Variants in HHLA2 observed in about 807,000 individuals in gnomAD.
HHLA2 encodes the protein HERV-H LTR-associating protein 2.
HHLA2 carries 48 observed loss-of-function variants against 45.9 expected under a neutral mutation model. That is an observed-to-expected ratio of 1.05 (90% CI 0.83 to 1.33). The LOEUF is 1.33. Ranked by LOEUF, HHLA2 falls within the 40% of genes most tolerant of loss-of-function variation. HHLA2 has a pLI of 0.00. For synonymous variants in HHLA2, 161 were observed against 173.9 expected (o/e 0.93, Z 0.59); for missense variants, 462 against 494.3 (o/e 0.93, Z 0.62).
At chr3:108,362,540 TAATTGATCTG>T (rs1291758720) in intron 8 of HHLA2, 94 bp downstream of exon 7, 2 of 805,776 alleles carry the variant, frequency 2.5e-6, no homozygotes, top group Non-Finnish European at 4.0e-6. Context: ...ACTGGGCATG[TAATTGATCTG>T]AATTTTCTGG....
At chr3:108,321,113 G>T (rs77845103) in intron 2 of HHLA2, among the ~76,000 whole-genome samples, 12 of 35,702 alleles carry the variant, frequency 3.4e-4, no homozygotes, top group South Asian at 9.5e-4. Context: ...AAAAAAAAAA[G>T]ACTGTGCCAA....
At position 108,339,178 on chromosome 3, in the gene HHLA2, A is replaced by G. The variant is rs2081523875; in HGVS notation, c.-27+10831A>G. Among the ~76,000 whole-genome samples, 3 of 152,242 alleles carry G rather than the reference A, an allele frequency of 2.0e-5. No individual in the cohort carries two copies. In the South Asian group the frequency reaches 6.2e-4, roughly 32 times the overall value. ...TGACTATAAAACCATACACAGTTTT[A>G]CAATCACTATCAACCACTTGCTGAG... On this transcript the variant is annotated intron_variant, in intron 3 of 10. Transcript: ENST00000619531.
At position 108,341,235 on chromosome 3, in the gene HHLA2, G is replaced by A. The variant is rs576863533; in HGVS notation, c.-26-10553G>A. ...CCCAAAATGCTGGGATTACAGGGAT[G>A]AGCCACCACGCCCAGCCTCAAACTC... On this transcript the variant is annotated intron_variant, in intron 3 of 10. Transcript: ENST00000619531. Among the ~76,000 whole-genome samples, 21 of 152,182 alleles carry A rather than the reference G, an allele frequency of 1.4e-4. 2 individuals carry two copies. The highest frequency in any genetic ancestry group is 1.2e-3 in the Admixed American group (18 of 15,268).
chr3:108,299,821 G>A (rs943239320), intron 1 of HHLA2, among the ~76,000 whole-genome samples: 2 of 152,062 alleles, frequency 1.3e-5, no homozygotes, highest in African/African-American at 4.8e-5. Flanking sequence ...GTACCATTTC[G>A]TGTAGGAGCA....
At chr3:108,316,924 G>C (rs939462443) in intron 2 of HHLA2, among the ~76,000 whole-genome samples, 1 of 152,168 alleles carries the variant, frequency 6.6e-6, no homozygotes, top group Non-Finnish European at 1.5e-5. Context: ...TGGAGAGATA[G>C]GAGGATAGAA....
At chr3:108,325,834 T>A in intron 2 of HHLA2, 1 of 351,998 alleles carries the variant, frequency 2.8e-6, no homozygotes, top group South Asian at 2.7e-5. Context: ...CAAAACTACC[T>A]CCACGACCAC....
rs996532629 is a variant in HHLA2, at chr3:108,377,361, C to A, written c.*83C>A. 5.9e-6 allele frequency: 6 copies of A among 1,010,524 alleles called. No homozygotes were observed. The African/African-American group carries it at 8.0e-5, about 13-fold the overall frequency. 62.6% of individuals were successfully genotyped at this position (1,010,524 alleles called of 1,614,324 possible). ...ATCTCCCCTTTCTTCACCACAATTC[C>A]AGGCAATGGCCTGTCGGAGCAGACA... On this transcript the variant is annotated 3_prime_UTR_variant, in exon 11 of 11. Transcript: ENST00000619531.
rs114615863 is a variant in HHLA2 at position 108,348,239 on chromosome 3, G to C, written c.-26-3549G>C. On this transcript the variant is annotated intron_variant, in intron 3 of 10. Transcript: ENST00000619531. Reference sequence around the variant, plus strand: ...ACAGCAGTAAGGAAAGAAAAACTAGGAGAGTATGATGTTCCAGAAACCAAG... The same window carrying C: ...ACAGCAGTAAGGAAAGAAAAACTAGCAGAGTATGATGTTCCAGAAACCAAG... Among the ~76,000 whole-genome samples, 720 of 152,134 alleles carry C rather than the reference G, an allele frequency of 4.7e-3. 8 individuals are homozygous for C. The highest frequency in any genetic ancestry group is 0.017 in the African/African-American group (689 of 41,498).
chr3:108,362,220 G>A (rs985717232), intron 7 of HHLA2, 122 bp from the exon 7 acceptor site: 39 of 687,580 alleles, frequency 5.7e-5, no homozygotes, highest in Non-Finnish European at 9.3e-5. Context: ...CCTCCTACCT[G>A]TAATGCAGAA....
intron 8 of HHLA2, among the ~76,000 whole-genome samples, chr3:108,371,734 G>A (rs973511180): frequency 4.9e-4 from 74 of 152,194 alleles, no homozygotes; most frequent in African/African-American, 1.5e-3. Context: ...AAAGAAAGCC[G>A]TTACATAATG....
At position 108,371,587 on chromosome 3, in the gene HHLA2, C is replaced by T. The variant is rs971672108; in HGVS notation, c.1109-4163C>T. On this transcript the variant is annotated intron_variant, in intron 8 of 10. Transcript: ENST00000619531. ...TGCTGTATTCAGGAAACCTATCTCACGTGCAGAGACACACATAGGCTCAAA... is the reference window on the plus strand; with the variant it reads ...TGCTGTATTCAGGAAACCTATCTCATGTGCAGAGACACACATAGGCTCAAA... 5.3e-5 allele frequency among the ~76,000 whole-genome samples: 8 copies of T among 152,148 alleles called. No homozygotes were observed. The South Asian group carries it at 8.3e-4, about 16-fold the overall frequency.
At chr3:108,348,731 G>A (rs1030848142) in intron 3 of HHLA2, among the ~76,000 whole-genome samples, 4 of 151,846 alleles carry the variant, frequency 2.6e-5, no homozygotes, top group African/African-American at 9.7e-5. Flanking sequence ...CAGGTGCCCT[G>A]GTGGTTTGCT....
intron 1 of HHLA2, among the ~76,000 whole-genome samples, chr3:108,300,149 C>T (rs2080826550): frequency 6.6e-6 from 1 of 152,028 alleles, no homozygotes; most frequent in Non-Finnish European, 1.5e-5. Context: ...AAAGGACCAA[C>T]AGAAGGGGAA....
chr3:108,345,216 G>A (rs568806714), intron 3 of HHLA2, among the ~76,000 whole-genome samples: 1 of 152,212 alleles, frequency 6.6e-6, no homozygotes, highest in African/African-American at 2.4e-5. Context: ...GGAGCTCTGG[G>A]CTACAGGATG....
chr3:108,369,865 C>T (rs1025709620), intron 8 of HHLA2, among the ~76,000 whole-genome samples: 1 of 152,234 alleles, frequency 6.6e-6, no homozygotes, highest in Non-Finnish European at 1.5e-5. Context: ...CTGCCTGCCT[C>T]TGTAGACTCC....
At chr3:108,316,637 A>G (rs529179919) in intron 2 of HHLA2, among the ~76,000 whole-genome samples, 2 of 152,344 alleles carry the variant, frequency 1.3e-5, no homozygotes, top group Non-Finnish European at 2.9e-5. Context: ...AGTTACAGCT[A>G]GGTCAACCAC....
At chr3:108,297,089 A>T (rs1434894720) in intron 1 of HHLA2, among the ~76,000 whole-genome samples, 1 of 152,238 alleles carries the variant, frequency 6.6e-6, no homozygotes, top group Non-Finnish European at 1.5e-5. Context: ...CTAATACAAG[A>T]AACTTAGAAG....
In HHLA2 at chr3:108,377,265, C is replaced by A; in HGVS notation, c.1232C>A (p.Ser411Ter). ...TATTTTTCTTGCTTCTAGCCTCTTT[C>A]AGGAAAAGTATAGGAAATGAGAGAA... The change falls in exon 11 of 11, where the codon TCA (serine) becomes TAA (stop). Residue 411 changes from serine to a stop codon, truncating the protein, a stop_gained. Coordinates refer to ENST00000619531, the Ensembl canonical transcript of HHLA2. LOFTEE classifies it high-confidence loss of function. The A allele has an allele frequency of 6.4e-7, 1 of 1,570,906 alleles. No individual in the cohort carries two copies. The highest frequency in any genetic ancestry group is 8.7e-7 in the Non-Finnish European group (1 of 1,143,386).
intron 3 of HHLA2, among the ~76,000 whole-genome samples, chr3:108,344,781 G>C (rs2081633569): frequency 6.6e-6 from 1 of 152,058 alleles, no homozygotes; most frequent in South Asian, 2.1e-4. Context: ...AATTTCTTTT[G>C]TCTGTTTTCT....
Sources: gnomAD v4.1 joint callset for allele counts (sites outside exome capture counted in the v4.1 genomes callset) on GRCh38, gnomAD v4.1.1 for gene constraint, MANE v1.5 for transcripts, NCBI Gene and HGNC (gene_info 2026-07-23, HGNC 2026-07-21) for gene names.